Variants in PTPRC observed in about 807,000 individuals in gnomAD.
PTPRC encodes the protein receptor-type tyrosine-protein phosphatase C.
In PTPRC, 44 loss-of-function variants were observed where a neutral mutation model predicts 155.9. The observed-to-expected ratio is 0.28, with a 90% CI of 0.22 to 0.36. The LOEUF (loss-of-function observed/expected upper bound fraction) is 0.36, where lower values mean the gene tolerates loss of function less well. Among genes scored for constraint, PTPRC ranks in the 10% least tolerant of loss-of-function variants. The pLI is 1.00. For synonymous variants in PTPRC, 525 were observed against 533.1 expected (o/e 0.98, Z 0.21); for missense variants, 1,401 against 1,564.6 (o/e 0.90, Z 1.76).
intron 2 of PTPRC, among the ~76,000 whole-genome samples, chr1:198,660,962 G>A (rs1663929908): frequency 6.6e-6 from 1 of 152,100 alleles, no homozygotes; most frequent in Non-Finnish European, 1.5e-5. Flanking sequence ...CAATGGAGCT[G>A]CAGAATCTTT....
Position 198,738,916 on chromosome 1 carries a change from A to G in PTPRC, c.2404-2953A>G, listed in dbSNP as rs371219064. On this transcript the variant is annotated intron_variant, in intron 23 of 32. Transcript: ENST00000442510. ...AGAGCAAAATAACACATGAATTGAA[A>G]CAAGAAAATGGCAAAATGTGGAGGA... Among the ~76,000 whole-genome samples, 6 of 151,890 alleles carry G rather than the reference A, an allele frequency of 4.0e-5. No individual in the cohort carries two copies. The East Asian group carries it at 1.2e-3, about 30-fold the overall frequency.
chr1:198,701,110 C>T (rs1012591443), intron 5 of PTPRC, among the ~76,000 whole-genome samples: 2 of 152,160 alleles, frequency 1.3e-5, no homozygotes, highest in African/African-American at 4.8e-5. Flanking sequence ...CTGGAGCCCT[C>T]CTCTGGGGAT....
intron 2 of PTPRC, among the ~76,000 whole-genome samples, chr1:198,681,142 T>C (rs1487978150): frequency 6.6e-6 from 1 of 151,828 alleles, no homozygotes; most frequent in African/African-American, 2.4e-5. Context: ...ATATGAATTT[T>C]CCCAAAGAAG....
At position 198,756,853 on chromosome 1, in the gene PTPRC, T is replaced by C. The variant is rs1655700775; in HGVS notation, c.*672T>C. On this transcript the variant is annotated 3_prime_UTR_variant, in exon 33 of 33. Transcript: ENST00000442510. ...TTTAAGCTTATTTAATTAAAAAATT[T>C]CCAGTGAGCTTATCATGCTGTCTTT... 6.6e-6 allele frequency: 1 copy of C among 151,962 alleles called. No homozygotes were observed. The highest frequency in any genetic ancestry group is 6.6e-5 in the Admixed American group (1 of 15,214). The allele number at this position is 151,962 out of a possible 1,614,324, so 9.4% of individuals were successfully genotyped here.
At chr1:198,648,101 CAG>C (rs1663032711) in intron 2 of PTPRC, among the ~76,000 whole-genome samples, 1 of 151,846 alleles carries the variant, frequency 6.6e-6, no homozygotes, top group East Asian at 1.9e-4. Flanking sequence ...ATTTTCTTTG[CAG>C]ACTTTTAAAT....
intron 2 of PTPRC, among the ~76,000 whole-genome samples, chr1:198,640,680 C>G (rs1354626807): frequency 6.6e-6 from 1 of 151,832 alleles, no homozygotes; most frequent in Non-Finnish European, 1.5e-5. Flanking sequence ...CAAATCAGAA[C>G]AGATTTTCAT....
intron 2 of PTPRC, among the ~76,000 whole-genome samples, chr1:198,642,920 C>CTT (rs1662694554): frequency 6.9e-6 from 1 of 145,040 alleles, no homozygotes; most frequent in African/African-American, 2.6e-5. Context: ...TTCTTTCTTT[C>CTT]TTTCTTTCTT....
chr1:198,734,989 T>G (rs947575204), intron 22 of PTPRC, 138 bp from the exon 23 acceptor site: 3 of 734,752 alleles, frequency 4.1e-6, no homozygotes, highest in Admixed American at 2.8e-5. Flanking sequence ...CAGCTTAAGG[T>G]TTATATGTGC....
intron 7 of PTPRC, 43 bp downstream of exon 7, chr1:198,703,415 C>A: frequency 1.2e-6 from 2 of 1,608,550 alleles, no homozygotes; most frequent in Non-Finnish European, 1.7e-6. Flanking sequence ...TCCCCATGTG[C>A]CTGGTGATGT....
intron 2 of PTPRC, among the ~76,000 whole-genome samples, chr1:198,682,619 C>A (rs1194825452): frequency 6.6e-6 from 1 of 152,162 alleles, no homozygotes. Flanking sequence ...CACCCCACTT[C>A]TTTTACAAGG....
chr1:198,681,626 A>G (rs2102332501), intron 2 of PTPRC, among the ~76,000 whole-genome samples: 1 of 152,044 alleles, frequency 6.6e-6, no homozygotes, highest in South Asian at 2.1e-4. Context: ...TTTGTGATCT[A>G]TTTTCTCCAA....
At chr1:198,734,541 T>A in intron 22 of PTPRC, 116 bp downstream of exon 22, 2 of 917,996 alleles carry the variant, frequency 2.2e-6, no homozygotes, top group Non-Finnish European at 3.6e-6. Flanking sequence ...AGTTCTCTAT[T>A]TTAATCAGTG....
At chr1:198,740,090 A>G (rs1156965037) in intron 23 of PTPRC, among the ~76,000 whole-genome samples, 1 of 151,848 alleles carries the variant, frequency 6.6e-6, no homozygotes, top group East Asian at 1.9e-4. Context: ...AAAAGTTTGT[A>G]AGAGTAAGCA....
chr1:198,722,175 G>T (rs1379608304), intron 14 of PTPRC, among the ~76,000 whole-genome samples: 1 of 150,130 alleles, frequency 6.7e-6, no homozygotes, highest in South Asian at 2.1e-4. Flanking sequence ...TTTAATAATT[G>T]TTTAATAACT....
chr1:198,651,597 AT>A (rs1442395079), intron 2 of PTPRC, among the ~76,000 whole-genome samples: 1 of 151,806 alleles, frequency 6.6e-6, no homozygotes, highest in African/African-American at 2.4e-5. Flanking sequence ...GAAAAAGCTA[AT>A]AAAAAATAGT....
intron 2 of PTPRC, among the ~76,000 whole-genome samples, chr1:198,670,861 G>T (rs865998973): frequency 6.6e-6 from 1 of 151,884 alleles, no homozygotes; most frequent in Non-Finnish European, 1.5e-5. Flanking sequence ...AAAAAATGAC[G>T]AAATACAACA....
At chr1:198,733,436 G>A (rs1409008221) in intron 20 of PTPRC, among the ~76,000 whole-genome samples, 1 of 151,770 alleles carries the variant, frequency 6.6e-6, no homozygotes, top group Non-Finnish European at 1.5e-5. Flanking sequence ...GCGCAATAAT[G>A]TGTCATGAGA....
intron 2 of PTPRC, among the ~76,000 whole-genome samples, chr1:198,646,281 T>G (rs1277707071): frequency 6.6e-6 from 1 of 151,862 alleles, no homozygotes; most frequent in Non-Finnish European, 1.5e-5. Context: ...ATTAGATTCA[T>G]GAATCCATTT....
intron 23 of PTPRC, among the ~76,000 whole-genome samples, chr1:198,739,085 TA>T (rs1190811797): frequency 6.6e-6 from 1 of 150,910 alleles, no homozygotes; most frequent in Non-Finnish European, 1.5e-5. Flanking sequence ...TACATAAAAA[TA>T]AAAAGCAAGA....
Sources: allele counts gnomAD v4.1 joint callset (sites outside exome capture counted in the v4.1 genomes callset), GRCh38; gene constraint gnomAD v4.1.1; transcripts MANE v1.5; gene names NCBI Gene and HGNC (gene_info 2026-07-23, HGNC 2026-07-21).